Variants in HSPA12A observed in about 807,000 individuals in gnomAD.
HSPA12A encodes heat shock protein family A (Hsp70) member 12A.
Under a neutral mutation model 69.2 loss-of-function variants are expected in HSPA12A, and 28 were observed. That is an observed-to-expected ratio of 0.40 (90% CI 0.30 to 0.55). The LOEUF is 0.55. Ranked by LOEUF, HSPA12A falls within the 20% of genes least tolerant of loss-of-function variation. HSPA12A has a pLI of 0.38. For missense variants in HSPA12A, 686 were observed against 900.7 expected, an observed-to-expected ratio of 0.76 and a Z score of 3.05; for synonymous variants, 345 against 370.5, an observed-to-expected ratio of 0.93 and a Z score of 0.79.
intron 2 of HSPA12A, among the ~76,000 whole-genome samples, chr10:116,795,563 G>A (rs1303905708): frequency 2.0e-5 from 3 of 150,086 alleles, no homozygotes; most frequent in South Asian, 2.1e-4. Flanking sequence ...GAACGTGCCT[G>A]TAATCCCAGC....
intron 2 of HSPA12A, among the ~76,000 whole-genome samples, chr10:116,749,470 G>A (rs1344007244): frequency 6.6e-6 from 1 of 152,210 alleles, no homozygotes; most frequent in Admixed American, 6.5e-5. Context: ...TGTGACCTAA[G>A]AAGAAAGTGG....
chr10:116,759,923 C>T (rs1300110173), intron 2 of HSPA12A, among the ~76,000 whole-genome samples: 3 of 152,158 alleles, frequency 2.0e-5, no homozygotes, highest in African/African-American at 4.8e-5. Context: ...TCTTGTCTGC[C>T]GCCATGTGAG....
intron 1 of HSPA12A, among the ~76,000 whole-genome samples, chr10:116,835,553 A>C (rs1315568393): frequency 1.3e-5 from 2 of 152,172 alleles, no homozygotes; most frequent in Non-Finnish European, 2.9e-5. Flanking sequence ...AGATATTACA[A>C]AGACAAGCGA....
intron 2 of HSPA12A, among the ~76,000 whole-genome samples, chr10:116,778,512 G>T (rs112397791): frequency 3.0e-4 from 46 of 152,244 alleles, no homozygotes; most frequent in African/African-American, 1.1e-3. Context: ...AGGAGCTCAG[G>T]CTCCTTCAAA....
chr10:116,723,358 G>A lies in HSPA12A; in HGVS notation c.41-16073C>T, dbSNP rs1454201355. Among the ~76,000 whole-genome samples the A allele has an allele frequency of 2.6e-5, 4 of 152,146 alleles. No homozygotes were observed. The highest frequency in any genetic ancestry group is 5.9e-5 in the Non-Finnish European group (4 of 68,024). On this transcript the variant is annotated intron_variant, in intron 1 of 11. Transcript: ENST00000369209. The surrounding 1 kb of genome is among the most constrained non-coding windows in gnomAD (Gnocchi z 4.1). ...GGGCCCGCTGACCTTCACGTGGGAG[G>A]ATTTGACCCTCATGCTGCCCTCCAA... is the stretch of plus-strand genomic sequence containing the variant.
chr10:116,710,880 T>C lies in HSPA12A; in HGVS notation c.41-3595A>G, dbSNP rs782076781. Among the ~76,000 whole-genome samples the C allele has an allele frequency of 6.6e-6, 1 of 152,060 alleles. No homozygotes were observed. The highest frequency in any genetic ancestry group is 2.4e-5 in the African/African-American group (1 of 41,394). ...TACTTCACTACTTAGGATGTCAAAA[T>C]GATGCTCAAAAATTCTCAGGGGAAA... On this transcript the variant is annotated intron_variant, in intron 1 of 11. Transcript: ENST00000369209. This position sits in a 1 kb window ranked among gnomAD's most constrained non-coding sequence, Gnocchi z 4.1.
At chr10:116,720,392 C>T (rs986484161) in intron 1 of HSPA12A, among the ~76,000 whole-genome samples, 1 of 152,238 alleles carries the variant, frequency 6.6e-6, no homozygotes, top group African/African-American at 2.4e-5. Flanking sequence ...TGGCACTGGC[C>T]TCTCCCAGAC....
chr10:116,674,982 G>T lies in HSPA12A; in HGVS notation c.1827C>A (p.Asn609Lys), dbSNP rs183824836. ...CCCCGGGATCAGTGATGAAGCTGAC[G>T]TTGTCGTGCTCAGAGCTGTAGATGT... is the stretch of plus-strand genomic sequence containing the variant. ...VINIYSSEHD[N>K]VSFITDPGVK... is the part of the protein sequence containing the mutation. The change falls in exon 12 of 12, where the codon AAC becomes AAA. Residue 609 changes from asparagine (N) to lysine (K), a missense_variant. Physicochemically the swap from Asn to Lys is moderately conservative, Grantham distance 94. Transcript: ENST00000369209. 1 of 1,614,208 alleles carries T rather than the reference G, an allele frequency of 6.2e-7. No individual in the cohort carries two copies. The highest frequency in any genetic ancestry group is 8.5e-7 in the Non-Finnish European group (1 of 1,180,024).
At chr10:116,750,611 G>T (rs568617969) in intron 2 of HSPA12A, 2 of 286,306 alleles carry the variant, frequency 7.0e-6, no homozygotes, top group South Asian at 7.7e-5. Flanking sequence ...GCATGGAGGA[G>T]GTGTAGAAGA....
chr10:116,823,798 G>A (rs1845450143), intron 2 of HSPA12A, among the ~76,000 whole-genome samples: 1 of 152,168 alleles, frequency 6.6e-6, no homozygotes, highest in African/African-American at 2.4e-5. Flanking sequence ...AAACTCTTAT[G>A]AGAGGAAAGA....
At chr10:116,794,016 G>A (rs903874468) in intron 2 of HSPA12A, among the ~76,000 whole-genome samples, 3 of 152,024 alleles carry the variant, frequency 2.0e-5, no homozygotes, top group Non-Finnish European at 4.4e-5. Flanking sequence ...GGCTAATATG[G>A]TGAAACCCTG....
At chr10:116,796,504 G>T (rs1386106522) in intron 2 of HSPA12A, among the ~76,000 whole-genome samples, 2 of 152,054 alleles carry the variant, frequency 1.3e-5, no homozygotes, top group Non-Finnish European at 2.9e-5. Context: ...CCCCAGGCCT[G>T]CTCCTGCCTC....
chr10:116,706,044 G>A (rs1363904634), intron 2 of HSPA12A, among the ~76,000 whole-genome samples: 2 of 151,884 alleles, frequency 1.3e-5, no homozygotes, highest in South Asian at 2.1e-4. Flanking sequence ...ATAGGCACCC[G>A]CCACCACACC....
chr10:116,741,840 T>C (rs551423013), intron 1 of HSPA12A, among the ~76,000 whole-genome samples: 2 of 151,900 alleles, frequency 1.3e-5, no homozygotes, highest in African/African-American at 4.8e-5. Context: ...GCCCAGTGAG[T>C]CCCTGGGGAT....
chr10:116,737,967 G>A (rs989484546), intron 1 of HSPA12A, among the ~76,000 whole-genome samples: 4 of 152,220 alleles, frequency 2.6e-5, no homozygotes, highest in Non-Finnish European at 4.4e-5. Context: ...GCCCAGGCCT[G>A]GGGGTGCCCG....
At chr10:116,775,452 C>T (rs1554890988) in intron 2 of HSPA12A, among the ~76,000 whole-genome samples, 1 of 152,182 alleles carries the variant, frequency 6.6e-6, no homozygotes. Context: ...GTCTCTGTAG[C>T]TGGAAATGGC....
rs527550991 is a variant in HSPA12A, at chr10:116,803,462, T to C, written c.91+31473A>G. 3.0e-4 allele frequency among the ~76,000 whole-genome samples: 46 copies of C among 152,276 alleles called. No homozygotes were observed. The East Asian group carries it at 6.6e-3, about 22-fold the overall frequency. On this transcript the variant is annotated intron_variant, in intron 2 of 12. Transcript: ENST00000635765. ...GGTATCTAACCCCGCAGGCACCCCC[T>C]GAGCTGAATCCAGGCATTCTAATAA...
rs572072133 is a variant in HSPA12A, at chr10:116,784,888, C to G, written c.91+50047G>C. Among the ~76,000 whole-genome samples, 26 of 152,296 alleles carry G rather than the reference C, an allele frequency of 1.7e-4. No homozygotes were observed. The South Asian group carries it at 3.5e-3, about 21-fold the overall frequency. On this transcript the variant is annotated intron_variant, in intron 2 of 12. Transcript: ENST00000635765. ...GAGCTGTCAGTCTGGGCTGGAGATG[C>G]TGAGGGCACGTGTCTACAACAGCAG... is the stretch of plus-strand genomic sequence containing the variant.
At position 116,729,377 on chromosome 10, in the gene HSPA12A, G is replaced by T. The variant is rs1313419076; in HGVS notation, c.40+13053C>A. 3.3e-5 allele frequency among the ~76,000 whole-genome samples: 5 copies of T among 152,174 alleles called. No individual in the cohort carries two copies. In the East Asian group the frequency reaches 5.8e-4, roughly 18 times the overall value. On this transcript the variant is annotated intron_variant, in intron 1 of 11. Coordinates refer to ENST00000369209, the MANE Select transcript of HSPA12A (RefSeq NM_025015.3). ...GGCTTTCTGCAAACCAGAGGATCCT[G>T]AATGACAAAATCCTCCCGAGTTGGA... is the stretch of plus-strand genomic sequence containing the variant.
Sources: allele counts gnomAD v4.1 joint callset (sites outside exome capture counted in the v4.1 genomes callset), GRCh38; gene constraint gnomAD v4.1.1; non-coding constraint Gnocchi (gnomAD v3.1); transcripts MANE v1.5; gene names NCBI Gene and HGNC (gene_info 2026-07-23, HGNC 2026-07-21).